Variants in ATRNL1 observed in about 807,000 individuals in gnomAD.
The protein encoded by ATRNL1 is attractin like 1.
ATRNL1 carries 95 observed loss-of-function variants against 182.7 expected under a neutral mutation model. The ratio of observed to expected loss-of-function variants is 0.52; its 90% CI spans 0.44 to 0.62. The LOEUF is 0.62. Among genes scored for constraint, ATRNL1 ranks in the 20% least tolerant of loss-of-function variants. The pLI, the probability that ATRNL1 is intolerant of heterozygous loss-of-function variation, is 0.00. For missense variants in ATRNL1, 1,471 were observed against 1,679.5 expected, an observed-to-expected ratio of 0.88 and a Z score of 2.17; for synonymous variants, 576 against 568.3, an observed-to-expected ratio of 1.01 and a Z score of -0.19.
At chr10:115,600,346 G>A (rs1367702343) in intron 26 of ATRNL1, among the ~76,000 whole-genome samples, 2 of 152,064 alleles carry the variant, frequency 1.3e-5, no homozygotes, top group Admixed American at 1.3e-4. Flanking sequence ...CAAAAGGATT[G>A]TATAATACCA....
Position 115,327,049 on chromosome 10 carries a change from A to G in ATRNL1, c.3038-7233A>G, listed in dbSNP as rs1564918025. On this transcript the variant is annotated intron_variant, in intron 18 of 28. Coordinates refer to ENST00000355044, the MANE Select transcript of ATRNL1 (RefSeq NM_207303.4). ...GCAAGGACTTCATGTCTAAAACACC[A>G]AAAGCAATGGCAACAAAAGCCAAAA... Among the ~76,000 whole-genome samples, 3 of 151,516 alleles carry G rather than the reference A, an allele frequency of 2.0e-5. No individual in the cohort carries two copies. In the South Asian group the frequency reaches 6.2e-4, roughly 32 times the overall value.
intron 28 of ATRNL1, among the ~76,000 whole-genome samples, chr10:115,906,818 CT>C (rs1671577988): frequency 6.6e-6 from 1 of 151,936 alleles, no homozygotes; most frequent in African/African-American, 2.4e-5. Flanking sequence ...TGAACAAATA[CT>C]TTTTTTAAAA....
intron 19 of ATRNL1, among the ~76,000 whole-genome samples, chr10:115,353,237 C>T (rs1856348763): frequency 6.6e-6 from 1 of 152,146 alleles, no homozygotes; most frequent in Non-Finnish European, 1.5e-5. Flanking sequence ...TTTATATTAT[C>T]TGGATGCTCC....
intron 1 of ATRNL1, among the ~76,000 whole-genome samples, chr10:115,103,017 G>A (rs1843841330): frequency 6.7e-6 from 1 of 148,438 alleles, no homozygotes; most frequent in African/African-American, 2.5e-5. Context: ...ATCAGATACA[G>A]ATTCTGTGTA....
Position 115,491,796 on chromosome 10 carries a change from A to T in ATRNL1, c.3654+22467A>T, listed in dbSNP as rs190680260. 3.9e-4 allele frequency among the ~76,000 whole-genome samples: 60 copies of T among 152,276 alleles called. 2 individuals are homozygous for T. The highest frequency in any genetic ancestry group is 1.7e-3 in the South Asian group (8 of 4,822). ...GCGTTCCAGGTGCCACTGGGATATG[A>T]AAAAGAACTCTTGCAGCTAGCTCAG... On this transcript the variant is annotated intron_variant, in intron 24 of 28. Coordinates refer to ENST00000355044, the MANE Select transcript of ATRNL1 (RefSeq NM_207303.4).
chr10:115,265,020 T>A (rs1456213507), intron 10 of ATRNL1, among the ~76,000 whole-genome samples, 173 bp from the exon 11 acceptor site: 1 of 151,734 alleles, frequency 6.6e-6, no homozygotes, highest in African/African-American at 2.4e-5. Flanking sequence ...TAATGAATAA[T>A]GTTAGTTGAG....
At chr10:115,735,313 A>C (rs1947917039) in intron 27 of ATRNL1, among the ~76,000 whole-genome samples, 1 of 152,272 alleles carries the variant, frequency 6.6e-6, no homozygotes, top group South Asian at 2.1e-4. Context: ...ATACTTTATC[A>C]AGCATTCTAG....
rs558893949 is a variant in ATRNL1, at chr10:115,673,399, A to T, written c.3796-53849A>T. On this transcript the variant is annotated intron_variant, in intron 26 of 28. Transcript: ENST00000355044. The stretch of plus-strand genomic sequence containing the variant: ...AGCATCTTGCAAATCCCAGAGTCAG[A>T]AGCAACTACAGTAAGAGCTGGCATG... 6.4e-4 allele frequency among the ~76,000 whole-genome samples: 97 copies of T among 152,168 alleles called. No homozygotes were observed. The East Asian group carries it at 0.018, about 28-fold the overall frequency.
At chr10:115,938,172 C>T (rs940372846) in intron 28 of ATRNL1, among the ~76,000 whole-genome samples, 4 of 152,098 alleles carry the variant, frequency 2.6e-5, no homozygotes, top group African/African-American at 7.2e-5. Context: ...TATTACTGTA[C>T]TTATTAATTG....
At chr10:115,135,608 G>A (rs1411962201) in intron 5 of ATRNL1, among the ~76,000 whole-genome samples, 1 of 152,138 alleles carries the variant, frequency 6.6e-6, no homozygotes, top group Admixed American at 6.5e-5. Flanking sequence ...TGGCCATACT[G>A]CCCAAGGTAA....
At chr10:115,396,919 G>C (rs947494219) in intron 20 of ATRNL1, among the ~76,000 whole-genome samples, 11 of 151,998 alleles carry the variant, frequency 7.2e-5, no homozygotes, top group African/African-American at 2.2e-4. Flanking sequence ...AGTTCTTAAT[G>C]ATAAAAGTAC....
intron 9 of ATRNL1, among the ~76,000 whole-genome samples, chr10:115,231,962 T>G (rs1243274579): frequency 1.3e-5 from 2 of 152,124 alleles, no homozygotes; most frequent in Non-Finnish European, 2.9e-5. Context: ...GGCAGAATTT[T>G]CCCATGTGAG....
At chr10:115,547,281 T>TATATATATATATATATAA in intron 25 of ATRNL1, among the ~76,000 whole-genome samples, 1 of 138,528 alleles carries the variant, frequency 7.2e-6, no homozygotes, top group African/African-American at 3.1e-5. Context: ...TATATATATA[T>TATATATATATATATATAA]AAATATATAT....
chr10:115,766,788 G>A (rs1246570014), intron 27 of ATRNL1, among the ~76,000 whole-genome samples: 1 of 152,086 alleles, frequency 6.6e-6, no homozygotes, highest in African/African-American at 2.4e-5. Flanking sequence ...AGACTATTAT[G>A]CATTCATGGG....
At chr10:115,197,681 C>A (rs1848413553) in intron 8 of ATRNL1, among the ~76,000 whole-genome samples, 1 of 152,070 alleles carries the variant, frequency 6.6e-6, no homozygotes, top group Non-Finnish European at 1.5e-5. Context: ...TGCAGTCGGC[C>A]TGGGGAATCC....
At position 115,296,911 on chromosome 10, in the gene ATRNL1, C is replaced by T. The variant is rs575887346; in HGVS notation, c.2416-3123C>T. 6.0e-4 allele frequency among the ~76,000 whole-genome samples: 91 copies of T among 152,228 alleles called. 1 individual carries two copies. Among genetic ancestry groups the T allele is most frequent in the African/African-American group, 2.0e-3 (82 of 41,554 alleles). On this transcript the variant is annotated intron_variant, in intron 15 of 28. Transcript: ENST00000355044. ...AAAGACAATTGCTGTTCTCAAAGAG[C>T]TTAGTGGGGAGAGAAACAAACACAA...
chr10:115,096,652 G>T (rs1018078947), intron 1 of ATRNL1: 2 of 1,288,434 alleles, frequency 1.6e-6, no homozygotes, highest in Middle Eastern at 2.1e-4. Flanking sequence ...TAGGGATTTC[G>T]CCAGGGAATA....
At position 115,183,207 on chromosome 10, in the gene ATRNL1, TGGGATACATTTA is replaced by T. The variant is rs1186611852; in HGVS notation, c.1348+11917_1348+11928del. On this transcript the variant is annotated intron_variant, in intron 8 of 28. Coordinates refer to ENST00000355044, the MANE Select transcript of ATRNL1 (RefSeq NM_207303.4). Reference sequence around the variant, plus strand: ...TAAAAGCAACACATATAAAGATTTATGGGATACATTTAGAGCAGTTATCAGAAGTATATTTAT... The same window carrying T: ...TAAAAGCAACACATATAAAGATTTATGAGCAGTTATCAGAAGTATATTTAT... 4.6e-5 allele frequency among the ~76,000 whole-genome samples: 7 copies of T among 151,582 alleles called. No individual in the cohort carries two copies. In the East Asian group the frequency reaches 1.4e-3, roughly 29 times the overall value.
chr10:115,235,898 T>C (rs1313841908), intron 9 of ATRNL1, among the ~76,000 whole-genome samples: 3 of 152,204 alleles, frequency 2.0e-5, no homozygotes, highest in Non-Finnish European at 2.9e-5. Flanking sequence ...GAAAGAGTTA[T>C]TAGTATGATG....
Sources: gnomAD v4.1 joint callset for allele counts (sites outside exome capture counted in the v4.1 genomes callset) on GRCh38, gnomAD v4.1.1 for gene constraint, MANE v1.5 for transcripts, NCBI Gene and HGNC (gene_info 2026-07-23, HGNC 2026-07-21) for gene names.